Variants in MEIKIN observed in about 807,000 individuals in gnomAD.
MEIKIN encodes the protein meiosis-specific kinetochore protein.
intron 8 of MEIKIN, among the ~76,000 whole-genome samples, chr5:131,887,712 TTTA>T (rs1463428863): frequency 2.0e-5 from 3 of 151,944 alleles, no homozygotes; most frequent in Non-Finnish European, 2.9e-5. Flanking sequence ...TTTTTTTTAT[TTTA>T]TTATTATTAT....
At chr5:131,894,825 T>C (rs763334537) in intron 8 of MEIKIN, among the ~76,000 whole-genome samples, 34 of 152,232 alleles carry the variant, frequency 2.2e-4, no homozygotes, top group Non-Finnish European at 4.4e-4. Context: ...TTTCTAGATA[T>C]ACAATCATGT....
intron 12 of MEIKIN, among the ~76,000 whole-genome samples, chr5:131,815,493 A>G (rs967208375): frequency 1.3e-5 from 2 of 152,198 alleles, no homozygotes; most frequent in Non-Finnish European, 2.9e-5. Flanking sequence ...TTTATGCCCC[A>G]CTGGCTTAGA....
intron 5 of MEIKIN, among the ~76,000 whole-genome samples, chr5:131,928,789 A>G (rs766502934): frequency 2.0e-5 from 3 of 152,220 alleles, no homozygotes; most frequent in Non-Finnish European, 4.4e-5. Flanking sequence ...TCCAAAAGCA[A>G]TTGCAACAAA....
intron 11 of MEIKIN, among the ~76,000 whole-genome samples, chr5:131,835,911 C>G (rs751737566): frequency 6.6e-6 from 1 of 151,486 alleles, no homozygotes; most frequent in South Asian, 2.1e-4. Context: ...CTTTTTTTAA[C>G]TTTTAAGTTC....
At chr5:131,811,137 A>G (rs943117400) in intron 12 of MEIKIN, among the ~76,000 whole-genome samples, 43 of 152,222 alleles carry the variant, frequency 2.8e-4, no homozygotes, top group African/African-American at 1.0e-3. Flanking sequence ...ATTAATGGGG[A>G]GGGGAATTAA....
At chr5:131,909,316 G>A (rs1751296676) in intron 8 of MEIKIN, among the ~76,000 whole-genome samples, 1 of 152,040 alleles carries the variant, frequency 6.6e-6, no homozygotes, top group Non-Finnish European at 1.5e-5. Context: ...ATTCTTTGGG[G>A]AAGGGCCAGT....
At chr5:131,890,333 A>G (rs1212426013) in intron 8 of MEIKIN, among the ~76,000 whole-genome samples, 2 of 152,084 alleles carry the variant, frequency 1.3e-5, no homozygotes, top group Admixed American at 1.3e-4. Flanking sequence ...CTGGTCCTGG[A>G]CTTTTTTTGG....
At chr5:131,944,598 A>G (rs1208218351) in intron 3 of MEIKIN, 67 bp downstream of exon 3, 7 of 398,698 alleles carry the variant, frequency 1.8e-5, no homozygotes, top group Admixed American at 4.4e-5. Context: ...TTTCATCCGG[A>G]GGTACATCAG....
At chr5:131,881,991 T>C (rs1750708852) in intron 8 of MEIKIN, among the ~76,000 whole-genome samples, 1 of 152,230 alleles carries the variant, frequency 6.6e-6, no homozygotes, top group African/African-American at 2.4e-5. Context: ...CAACTTGGTC[T>C]GCCCTATAGT....
At position 131,920,382 on chromosome 5, in the gene MEIKIN, A is replaced by C. The variant is rs553185051; in HGVS notation, c.598+1440T>G. Among the ~76,000 whole-genome samples, 93 of 152,294 alleles carry C rather than the reference A, an allele frequency of 6.1e-4. 2 individuals carry two copies. Among genetic ancestry groups the C allele is most frequent in the Admixed American group, 8.5e-4 (13 of 15,284 alleles). The stretch of plus-strand genomic sequence containing the variant: ...CCCTTGGACAAACACCACAGTAATA[A>C]AGGTTGAAGTCAGCTGGCTCCTCTG... On this transcript the variant is annotated intron_variant, in intron 6 of 12. Coordinates refer to ENST00000442687, the MANE Select transcript of MEIKIN (RefSeq NM_001303622.2).
At chr5:131,854,661 T>C (rs2149616446) in intron 10 of MEIKIN, 93 bp downstream of exon 10, 2 of 394,050 alleles carry the variant, frequency 5.1e-6, no homozygotes, top group Non-Finnish European at 4.5e-6. Flanking sequence ...TTATTCTCCA[T>C]AGGCAATATT....
chr5:131,853,360 A>G (rs1427244857), intron 10 of MEIKIN, among the ~76,000 whole-genome samples: 1 of 152,172 alleles, frequency 6.6e-6, no homozygotes, highest in Non-Finnish European at 1.5e-5. Context: ...CCACACTGCT[A>G]TGTAAGCCGC....
chr5:131,907,092 G>C (rs77268231), intron 8 of MEIKIN, among the ~76,000 whole-genome samples: 3 of 152,114 alleles, frequency 2.0e-5, no homozygotes, highest in Admixed American at 2.0e-4. Context: ...TGAATGACTA[G>C]TGAGTCAATG....
intron 8 of MEIKIN, among the ~76,000 whole-genome samples, chr5:131,894,747 T>C (rs572517242): frequency 1.3e-5 from 2 of 152,290 alleles, no homozygotes; most frequent in East Asian, 3.9e-4. Context: ...GCACATTGAT[T>C]TTGTATCCTG....
At chr5:131,872,807 A>G (rs1369372687) in intron 9 of MEIKIN, among the ~76,000 whole-genome samples, 2 of 152,254 alleles carry the variant, frequency 1.3e-5, no homozygotes, top group Non-Finnish European at 2.9e-5. Context: ...CTCTCGGCAG[A>G]AACTCTACAA....
chr5:131,921,065 A>G (rs985929716), intron 6 of MEIKIN, among the ~76,000 whole-genome samples: 2 of 152,192 alleles, frequency 1.3e-5, no homozygotes, highest in African/African-American at 4.8e-5. Context: ...ATTCTACAAA[A>G]TAACATCAGT....
chr5:131,815,571 GC>G (rs923405508), intron 12 of MEIKIN, among the ~76,000 whole-genome samples: 4 of 152,184 alleles, frequency 2.6e-5, no homozygotes, highest in South Asian at 2.1e-4. Flanking sequence ...AGTTAAGACT[GC>G]CCCCAGTCAC....
intron 11 of MEIKIN, among the ~76,000 whole-genome samples, chr5:131,845,439 A>T (rs1311614698): frequency 2.0e-5 from 3 of 151,922 alleles, no homozygotes; most frequent in African/African-American, 4.8e-5. Context: ...TGGAAAAGAA[A>T]ATCAGCAGAA....
At chr5:131,890,185 G>A (rs1326779737) in intron 8 of MEIKIN, among the ~76,000 whole-genome samples, 1 of 152,136 alleles carries the variant, frequency 6.6e-6, no homozygotes, top group Non-Finnish European at 1.5e-5. Context: ...TCTCTGCCAG[G>A]CTTTGGTATC....
Sources: allele counts gnomAD v4.1 joint callset (sites outside exome capture counted in the v4.1 genomes callset), GRCh38; gene constraint gnomAD v4.1.1; transcripts MANE v1.5; gene names NCBI Gene and HGNC (gene_info 2026-07-23, HGNC 2026-07-21).